Variants in CERS6 observed in about 807,000 individuals in gnomAD.
CERS6 encodes ceramide synthase 6.
CERS6 carries 26 observed loss-of-function variants against 56.8 expected under a neutral mutation model. The ratio of observed to expected loss-of-function variants is 0.46; its 90% CI spans 0.34 to 0.63. The LOEUF is 0.63. Among genes scored for constraint, CERS6 ranks in the 30% least tolerant of loss-of-function variants. The pLI, the probability that CERS6 is intolerant of heterozygous loss-of-function variation, is 0.01. For missense variants in CERS6, 415 were observed against 467.5 expected, an observed-to-expected ratio of 0.89 and a Z score of 1.04; for synonymous variants, 164 against 173.3, an observed-to-expected ratio of 0.95 and a Z score of 0.42.
At chr2:168,482,774 C>A (rs990156707) in intron 1 of CERS6, among the ~76,000 whole-genome samples, 3 of 152,176 alleles carry the variant, frequency 2.0e-5, no homozygotes, top group Admixed American at 2.0e-4. Flanking sequence ...AGAAGCTCTG[C>A]AGGATGAAGG....
intron 4 of CERS6, among the ~76,000 whole-genome samples, chr2:168,646,071 G>T (rs1368433299): frequency 6.6e-6 from 1 of 152,156 alleles, no homozygotes; most frequent in African/African-American, 2.4e-5. Context: ...TGGGATTGCT[G>T]GGTTAAATGG....
intron 4 of CERS6, among the ~76,000 whole-genome samples, chr2:168,656,762 G>A (rs1462230855): frequency 6.6e-6 from 1 of 152,102 alleles, no homozygotes; most frequent in African/African-American, 2.4e-5. Context: ...GCCACTGCTG[G>A]CTCGGGCAGC....
At chr2:168,601,663 C>A (rs1683935724) in intron 3 of CERS6, among the ~76,000 whole-genome samples, 1 of 151,920 alleles carries the variant, frequency 6.6e-6, no homozygotes, top group African/African-American at 2.4e-5. Flanking sequence ...AGTTCTTCTG[C>A]CTCAGCCTCT....
chr2:168,743,144 A>G (rs1353801403), intron 8 of CERS6, among the ~76,000 whole-genome samples: 1 of 148,916 alleles, frequency 6.7e-6, no homozygotes, highest in African/African-American at 2.5e-5. Flanking sequence ...TATTGTCTAT[A>G]TTCATATATA....
intron 2 of CERS6, among the ~76,000 whole-genome samples, chr2:168,556,228 A>G (rs1339007216): frequency 6.6e-6 from 1 of 152,282 alleles, no homozygotes; most frequent in Middle Eastern, 3.4e-3. Flanking sequence ...AAGCAAGACT[A>G]GAGACCAAAT....
intron 8 of CERS6, among the ~76,000 whole-genome samples, chr2:168,746,808 T>TATAC (rs1684115906): frequency 9.0e-6 from 1 of 110,702 alleles, no homozygotes; most frequent in Non-Finnish European, 1.8e-5. Flanking sequence ...TATATATATA[T>TATAC]ATATATATAT....
intron 8 of CERS6, among the ~76,000 whole-genome samples, chr2:168,741,630 A>G (rs1683909038): frequency 6.6e-6 from 1 of 152,250 alleles, no homozygotes; most frequent in Admixed American, 6.5e-5. Flanking sequence ...TTAGAGAATC[A>G]TGAGCATGAC....
chr2:168,558,241 G>A (rs1037984385), intron 2 of CERS6, among the ~76,000 whole-genome samples: 13 of 152,188 alleles, frequency 8.5e-5, no homozygotes, highest in Admixed American at 2.0e-4. Flanking sequence ...AGACCCCTTC[G>A]ATCTACAACT....
At chr2:168,474,433 T>C (rs1694031715) in intron 1 of CERS6, among the ~76,000 whole-genome samples, 1 of 152,244 alleles carries the variant, frequency 6.6e-6, no homozygotes, top group Non-Finnish European at 1.5e-5. Flanking sequence ...AGAAAAATTA[T>C]ACCAATTGAC....
At chr2:168,744,926 C>T (rs1295313429) in intron 8 of CERS6, among the ~76,000 whole-genome samples, 1 of 152,126 alleles carries the variant, frequency 6.6e-6, no homozygotes, top group Non-Finnish European at 1.5e-5. Flanking sequence ...AATTCCAATG[C>T]CCAGGCTCCA....
intron 4 of CERS6, among the ~76,000 whole-genome samples, chr2:168,638,832 C>G (rs1684922941): frequency 6.6e-6 from 1 of 152,152 alleles, no homozygotes; most frequent in South Asian, 2.1e-4. Flanking sequence ...GGTATACAGA[C>G]TTTAGGACTT....
At chr2:168,631,823 T>TTATATAATATATATTATATAA (rs1684750364) in intron 4 of CERS6, among the ~76,000 whole-genome samples, 1 of 131,070 alleles carries the variant, frequency 7.6e-6, no homozygotes, top group African/African-American at 2.9e-5. Context: ...TTATTATATA[T>TTATATAATATATATTATATAA]TATATAATAT....
chr2:168,590,801 T>C (rs1488486419), intron 3 of CERS6, among the ~76,000 whole-genome samples: 1 of 152,202 alleles, frequency 6.6e-6, no homozygotes, highest in African/African-American at 2.4e-5. Context: ...TCTGTTTTTG[T>C]TCTCATTTTA....
chr2:168,659,932 A>G (rs1464336048), intron 4 of CERS6, among the ~76,000 whole-genome samples: 1 of 152,240 alleles, frequency 6.6e-6, no homozygotes, highest in East Asian at 1.9e-4. Context: ...TTGCACTATG[A>G]TGCAAAATCA....
At chr2:168,488,885 A>C (rs1694319801) in intron 1 of CERS6, among the ~76,000 whole-genome samples, 2 of 152,162 alleles carry the variant, frequency 1.3e-5, no homozygotes, top group African/African-American at 4.8e-5. Context: ...TGTATATTAC[A>C]TCTACATACA....
chr2:168,464,174 TTGTGTGTG>T lies in CERS6; in HGVS notation c.170+7587_170+7594del, dbSNP rs35372610. Reference sequence around the variant, plus strand: ...TTCTCTGGTCACATATTTATACTTTTTGTGTGTGTGTGTGTGTGTGTGTGTGTGTGTGT... The same window carrying T: ...TTCTCTGGTCACATATTTATACTTTTTGTGTGTGTGTGTGTGTGTGTGTGT... On this transcript the variant is annotated intron_variant, in intron 1 of 9. Transcript: ENST00000305747. Among the ~76,000 whole-genome samples the T allele has an allele frequency of 7.1e-3, 989 of 139,786 alleles. 12 individuals are homozygous for T. Among genetic ancestry groups the T allele is most frequent in the African/African-American group, 0.023 (856 of 37,096 alleles). 91.7% of individuals were successfully genotyped at this position (139,786 alleles called of 152,430 possible). A position where few individuals can be genotyped will look rare whatever the true frequency, so the allele number is the denominator to read the frequency against.
intron 8 of CERS6, among the ~76,000 whole-genome samples, chr2:168,748,748 C>T (rs181387804): frequency 2.9e-4 from 44 of 150,480 alleles, no homozygotes; most frequent in Admixed American, 2.3e-3. Flanking sequence ...TGCACAGGGA[C>T]TTCCCTCTCC....
chr2:168,631,807 T>C (rs1268967625), intron 4 of CERS6, among the ~76,000 whole-genome samples: 2 of 129,978 alleles, frequency 1.5e-5, no homozygotes, highest in African/African-American at 5.7e-5. Flanking sequence ...ATATATATTA[T>C]ATAATTTATT....
intron 3 of CERS6, among the ~76,000 whole-genome samples, chr2:168,626,778 T>A (rs921117312): frequency 6.6e-6 from 1 of 152,142 alleles, no homozygotes; most frequent in African/African-American, 2.4e-5. Flanking sequence ...ATACTGGTCT[T>A]ACAAGGTTGC....
Sources: allele counts gnomAD v4.1 joint callset (sites outside exome capture counted in the v4.1 genomes callset), GRCh38; gene constraint gnomAD v4.1.1; transcripts MANE v1.5; gene names NCBI Gene and HGNC (gene_info 2026-07-23, HGNC 2026-07-21).